FGF1: variants seen among roughly 807,000 people sequenced by gnomAD.
The protein encoded by FGF1 is fibroblast growth factor 1, also known as beta-endothelial cell growth factor.
FGF1 carries 9 observed loss-of-function variants against 13.4 expected under a neutral mutation model. That is an observed-to-expected ratio of 0.67 (90% CI 0.40 to 1.17). FGF1 has a LOEUF of 1.17. Among genes scored for constraint, FGF1 ranks in the 50% most tolerant of loss-of-function variants. The pLI is 0.01. For synonymous variants in FGF1, 93 were observed against 79.0 expected, an observed-to-expected ratio of 1.18 and a Z score of -0.94; for missense variants, 156 against 192.7, an observed-to-expected ratio of 0.81 and a Z score of 1.13.
chr5:142,680,225 C>T (rs1052372474), intron 1 of FGF1, among the ~76,000 whole-genome samples: 1 of 152,190 alleles, frequency 6.6e-6, no homozygotes, highest in Non-Finnish European at 1.5e-5. Flanking sequence ...GGGGTGGACA[C>T]AACTCAACCC....
At chr5:142,691,379 G>T (rs976928973) in intron 2 of FGF1, among the ~76,000 whole-genome samples, 1 of 150,914 alleles carries the variant, frequency 6.6e-6, no homozygotes, top group African/African-American at 2.4e-5. Context: ...CCGAGATAGT[G>T]TCACTGCACT....
At chr5:142,599,072 A>G (rs1192620666) in intron 3 of FGF1, among the ~76,000 whole-genome samples, 1 of 152,162 alleles carries the variant, frequency 6.6e-6, no homozygotes, top group African/African-American at 2.4e-5. Flanking sequence ...GAACCCATGT[A>G]CGCTCTGTGT....
chr5:142,618,924 G>GTT (rs1187824250), intron 1 of FGF1, among the ~76,000 whole-genome samples: 2,913 of 77,560 alleles, frequency 0.038, 185 homozygotes, highest in African/African-American at 0.056. Flanking sequence ...TTTTTTAGTT[G>GTT]TTTTGTTTTT....
intron 1 of FGF1, among the ~76,000 whole-genome samples, chr5:142,637,629 C>A (rs1447570527): frequency 6.6e-6 from 1 of 151,970 alleles, no homozygotes; most frequent in Non-Finnish European, 1.5e-5. Context: ...ACCATGGCAT[C>A]TTAATAGTTG....
At chr5:142,683,691 C>CCCGAGTAATT (rs1774142390) in intron 1 of FGF1, among the ~76,000 whole-genome samples, 1 of 151,824 alleles carries the variant, frequency 6.6e-6, no homozygotes, top group East Asian at 1.9e-4. Context: ...CATGGTGCCG[C>CCCGAGTAATT]ACACCTGTAA....
chr5:142,623,562 T>C (rs1362263819), intron 1 of FGF1, among the ~76,000 whole-genome samples: 1 of 151,984 alleles, frequency 6.6e-6, no homozygotes, highest in East Asian at 1.9e-4. Flanking sequence ...TTGGCCAGGC[T>C]GGTCTCAAAC....
At chr5:142,627,218 T>C (rs902494104) in intron 1 of FGF1, 2 of 152,142 alleles carry the variant, frequency 1.3e-5, no homozygotes, top group African/African-American at 4.8e-5. Context: ...CTATATGAGG[T>C]ACTTCATAAT....
At chr5:142,625,717 G>C (rs956556813) in intron 1 of FGF1, among the ~76,000 whole-genome samples, 15 of 152,184 alleles carry the variant, frequency 9.9e-5, no homozygotes, top group African/African-American at 3.6e-4. Context: ...GATTCTGCAG[G>C]GGCTCTGGCA....
At chr5:142,621,833 CCCT>C in intron 1 of FGF1, among the ~76,000 whole-genome samples, 1 of 152,232 alleles carries the variant, frequency 6.6e-6, no homozygotes, top group East Asian at 1.9e-4. Flanking sequence ...CCATGCTGTT[CCCT>C]CTGGAGTGAT....
At chr5:142,600,141 C>T (rs17217401) in intron 3 of FGF1, among the ~76,000 whole-genome samples, 3,730 of 152,168 alleles carry the variant, frequency 0.025, 158 homozygotes, top group African/African-American at 0.085. Flanking sequence ...AGGCTGAGGC[C>T]GCTCGAGCCC....
intron 1 of FGF1, among the ~76,000 whole-genome samples, chr5:142,633,969 G>A (rs1164226134): frequency 6.6e-6 from 1 of 151,754 alleles, no homozygotes; most frequent in Admixed American, 6.6e-5. Flanking sequence ...CGGATCACGA[G>A]GTCAGGAGAT....
At chr5:142,614,543 T>G (rs1187150991) in intron 1 of FGF1, among the ~76,000 whole-genome samples, 2 of 152,200 alleles carry the variant, frequency 1.3e-5, no homozygotes, top group Non-Finnish European at 2.9e-5. Flanking sequence ...AGGGTCTGGC[T>G]GAAACCCACA....
intron 1 of FGF1, among the ~76,000 whole-genome samples, chr5:142,642,188 C>A (rs1362728140): frequency 6.6e-6 from 1 of 152,150 alleles, no homozygotes; most frequent in East Asian, 1.9e-4. Context: ...TCCTGGGTCA[C>A]CAGATGGGTG....
intron 3 of FGF1, 127 bp from the exon 4 acceptor site, chr5:142,595,611 G>T: frequency 1.4e-6 from 1 of 740,190 alleles, no homozygotes. Flanking sequence ...TCCTTTTCAG[G>T]AAAATTGGGG....
At chr5:142,665,301 C>T (rs1770090824) in intron 1 of FGF1, among the ~76,000 whole-genome samples, 1 of 152,094 alleles carries the variant, frequency 6.6e-6, no homozygotes, top group South Asian at 2.1e-4. Context: ...CGTCCACCCC[C>T]TTGCCCTTCC....
At chr5:142,688,005 C>G (rs1751536672), upstream of FGF1, among the ~76,000 whole-genome samples, 1 of 152,186 alleles carries the variant, frequency 6.6e-6, no homozygotes, top group South Asian at 2.1e-4. Context: ...TGTTCGAGCA[C>G]CTTGAACGCA....
chr5:142,646,265 G>A (rs1463884191), intron 1 of FGF1, among the ~76,000 whole-genome samples: 9 of 130,784 alleles, frequency 6.9e-5, no homozygotes. Context: ...CACCCAGGCT[G>A]GAGTGCAGTG....
At chr5:142,656,266 G>A (rs765366224) in intron 1 of FGF1, among the ~76,000 whole-genome samples, 26 of 151,992 alleles carry the variant, frequency 1.7e-4, no homozygotes, top group South Asian at 2.1e-4. Flanking sequence ...ACCTCTCTGA[G>A]AGTTATTTCT....
At chr5:142,665,951 G>A (rs1770227244) in intron 1 of FGF1, among the ~76,000 whole-genome samples, 1 of 152,028 alleles carries the variant, frequency 6.6e-6, no homozygotes, top group Non-Finnish European at 1.5e-5. Flanking sequence ...TTGGCTCTCT[G>A]GCAAACCCTT....
Sources: gnomAD v4.1 joint callset for allele counts (sites outside exome capture counted in the v4.1 genomes callset) on GRCh38, gnomAD v4.1.1 for gene constraint, MANE v1.5 for transcripts, NCBI Gene and HGNC (gene_info 2026-07-23, HGNC 2026-07-21) for gene names.